The following PTPRD variants were observed in gnomAD, a reference collection of about 807,000 sequenced individuals.
PTPRD encodes receptor-type tyrosine-protein phosphatase delta.
PTPRD carries 34 observed loss-of-function variants against 214.5 expected under a neutral mutation model. The ratio of observed to expected loss-of-function variants is 0.16; its 90% CI spans 0.12 to 0.21. The LOEUF is 0.21. Among genes scored for constraint, PTPRD ranks in the 10% least tolerant of loss-of-function variants. PTPRD has a pLI of 1.00. For missense variants in PTPRD, 2,545 were observed against 2,398.7 expected (o/e 1.06, Z -1.27); for synonymous variants, 1,128 against 845.7 (o/e 1.33, Z -5.79).
intron 9 of PTPRD, among the ~76,000 whole-genome samples, chr9:9,304,450 C>T (rs1956463954): frequency 6.6e-6 from 1 of 151,840 alleles, no homozygotes; most frequent in Non-Finnish European, 1.5e-5. Flanking sequence ...CTCTGCTTTT[C>T]CTATTTTAGA....
At chr9:8,957,388 T>A (rs530096102) in intron 11 of PTPRD, among the ~76,000 whole-genome samples, 1 of 151,844 alleles carries the variant, frequency 6.6e-6, no homozygotes, top group East Asian at 1.9e-4. Flanking sequence ...TTTATAGCCT[T>A]GTCTACATTC....
intron 9 of PTPRD, among the ~76,000 whole-genome samples, chr9:9,229,330 G>C (rs1207379428): frequency 6.6e-6 from 1 of 152,058 alleles, no homozygotes. Context: ...ATTATTGGAA[G>C]GCTACAAGGG....
chr9:9,658,232 C>A lies in PTPRD; in HGVS notation c.-287+76301G>T, dbSNP rs555628537. On this transcript the variant is annotated intron_variant, in intron 7 of 45. Coordinates refer to ENST00000381196, the MANE Select transcript of PTPRD (RefSeq NM_002839.4). Reference sequence around the variant, plus strand: ...CTAAAACTCTGATGGTAAAATCATTCATTATCCAATTGCTCTGGAAGAACA... The same window carrying A: ...CTAAAACTCTGATGGTAAAATCATTAATTATCCAATTGCTCTGGAAGAACA... Among the ~76,000 whole-genome samples the A allele has an allele frequency of 2.1e-3, 325 of 152,166 alleles. 2 individuals carry two copies. Among genetic ancestry groups the A allele is most frequent in the African/African-American group, 7.2e-3 (299 of 41,524 alleles).
chr9:9,140,421 AAAG>A (rs2099858180), intron 10 of PTPRD, among the ~76,000 whole-genome samples: 1 of 152,126 alleles, frequency 6.6e-6, no homozygotes, highest in Non-Finnish European at 1.5e-5. Context: ...GAGAAATACT[AAAG>A]AAGGACAGAT....
chr9:9,964,487 T>C (rs1295731954), intron 4 of PTPRD, among the ~76,000 whole-genome samples: 1 of 152,156 alleles, frequency 6.6e-6, no homozygotes. Flanking sequence ...GATAGGACAA[T>C]AGTTTCCTTC....
intron 3 of PTPRD, among the ~76,000 whole-genome samples, chr9:10,272,081 G>C (rs533755560): frequency 3.5e-4 from 53 of 152,148 alleles, no homozygotes; most frequent in African/African-American, 1.2e-3. Flanking sequence ...CTCTTTAACA[G>C]TCACTCATCA....
chr9:10,593,763 T>G (rs1377717543), intron 2 of PTPRD, among the ~76,000 whole-genome samples: 1 of 151,978 alleles, frequency 6.6e-6, no homozygotes, highest in East Asian at 1.9e-4. Flanking sequence ...AGGGAAAATC[T>G]TGAAGCAAAA....
intron 8 of PTPRD, among the ~76,000 whole-genome samples, chr9:9,473,235 T>C (rs778287825): frequency 7.2e-5 from 11 of 152,186 alleles, no homozygotes; most frequent in Non-Finnish European, 1.5e-4. Flanking sequence ...GCAATATGCC[T>C]TTCTGTGCCT....
chr9:8,891,091 G>A (rs2098535285), intron 11 of PTPRD, among the ~76,000 whole-genome samples: 1 of 151,284 alleles, frequency 6.6e-6, no homozygotes, highest in African/African-American at 2.4e-5. Context: ...TGAACAGATG[G>A]GATACATACA....
At chr9:10,098,321 C>T (rs1190368256) in intron 3 of PTPRD, among the ~76,000 whole-genome samples, 1 of 132,178 alleles carries the variant, frequency 7.6e-6, no homozygotes, top group Non-Finnish European at 1.5e-5. Flanking sequence ...GGAAGGGGAA[C>T]ATCACACACC....
At chr9:9,370,053 C>T (rs1416022050) in intron 9 of PTPRD, among the ~76,000 whole-genome samples, 2 of 152,104 alleles carry the variant, frequency 1.3e-5, no homozygotes, top group Non-Finnish European at 2.9e-5. Context: ...GTGATGCCTC[C>T]AGCTTTGTTC....
chr9:8,507,265 G>T (rs771483776), intron 22 of PTPRD, 36 bp downstream of exon 22: 2 of 1,598,662 alleles, frequency 1.3e-6, no homozygotes, highest in South Asian at 2.3e-5. Context: ...CCCACGTAAT[G>T]AATAATTCCC....
At chr9:9,393,279 C>G in intron 9 of PTPRD, among the ~76,000 whole-genome samples, 1 of 152,142 alleles carries the variant, frequency 6.6e-6, no homozygotes, top group Non-Finnish European at 1.5e-5. Context: ...GTTCATATAA[C>G]TTATTTTGAC....
chr9:8,903,241 G>C (rs1050260881), intron 11 of PTPRD, among the ~76,000 whole-genome samples: 5 of 152,006 alleles, frequency 3.3e-5, no homozygotes, highest in African/African-American at 7.2e-5. Context: ...CTTGGGATAT[G>C]AATCATCTCA....
intron 9 of PTPRD, among the ~76,000 whole-genome samples, chr9:9,223,875 G>T (rs2099957740): frequency 6.6e-6 from 1 of 151,916 alleles, no homozygotes; most frequent in African/African-American, 2.4e-5. Flanking sequence ...TTCCCTAAAT[G>T]TCCAGTCCTT....
chr9:9,094,153 T>G (rs966565794), intron 10 of PTPRD, among the ~76,000 whole-genome samples: 1 of 152,150 alleles, frequency 6.6e-6, no homozygotes, highest in Non-Finnish European at 1.5e-5. Context: ...ATTAAATGAA[T>G]TGAATTTGAA....
At chr9:8,688,067 A>G (rs774950321) in intron 12 of PTPRD, among the ~76,000 whole-genome samples, 2 of 152,224 alleles carry the variant, frequency 1.3e-5, no homozygotes, top group African/African-American at 2.4e-5. Flanking sequence ...GCTTAAAACA[A>G]TTTTTATTTG....
chr9:8,428,178 G>A (rs2094812581), intron 35 of PTPRD, among the ~76,000 whole-genome samples: 1 of 152,108 alleles, frequency 6.6e-6, no homozygotes, highest in Non-Finnish European at 1.5e-5. Context: ...CCCACTGCTG[G>A]CTCAACAAGT....
At chr9:9,273,430 C>CATATGCATAT (rs1184531300) in intron 9 of PTPRD, among the ~76,000 whole-genome samples, 8 of 151,188 alleles carry the variant, frequency 5.3e-5, no homozygotes, top group African/African-American at 1.9e-4. Flanking sequence ...TATATACATA[C>CATATGCATAT]ATATAGCAGA....
Sources: gnomAD v4.1 joint callset for allele counts (sites outside exome capture counted in the v4.1 genomes callset) on GRCh38, gnomAD v4.1.1 for gene constraint, MANE v1.5 for transcripts, NCBI Gene and HGNC (gene_info 2026-07-23, HGNC 2026-07-21) for gene names.